ITGA2: variants seen among roughly 807,000 people sequenced by gnomAD.
ITGA2 encodes integrin alpha-2.
A neutral mutation model predicts 146.3 loss-of-function variants in ITGA2; 101 were observed. The ratio of observed to expected loss-of-function variants is 0.69; its 90% CI spans 0.59 to 0.81. The LOEUF is 0.81. Among genes scored for constraint, ITGA2 ranks in the 40% least tolerant of loss-of-function variants. The pLI is 0.00. For synonymous variants in ITGA2, 477 were observed against 487.1 expected, an observed-to-expected ratio of 0.98 and a Z score of 0.27; for missense variants, 1,281 against 1,402.7, an observed-to-expected ratio of 0.91 and a Z score of 1.39.
At chr5:53,004,395 A>G (rs1741727031) in intron 1 of ITGA2, among the ~76,000 whole-genome samples, 2 of 152,190 alleles carry the variant, frequency 1.3e-5, no homozygotes, top group South Asian at 4.1e-4. Context: ...AGTATTTTTC[A>G]TATTGTAAAA....
intron 1 of ITGA2, among the ~76,000 whole-genome samples, chr5:53,007,070 G>A (rs1561085254): frequency 6.6e-6 from 1 of 152,148 alleles, no homozygotes; most frequent in Non-Finnish European, 1.5e-5. Flanking sequence ...AAAATTCAAT[G>A]TAGCATGCTA....
chr5:52,990,007 G>C (rs28051), intron 1 of ITGA2: 22,394 of 184,888 alleles, frequency 0.12, 1,482 homozygotes, highest in South Asian at 0.18. Flanking sequence ...CCAGCGCGGT[G>C]CTTGCTGGCT....
At chr5:53,020,538 A>G (rs1030739186) in intron 1 of ITGA2, among the ~76,000 whole-genome samples, 1 of 152,142 alleles carries the variant, frequency 6.6e-6, no homozygotes, top group African/African-American at 2.4e-5. Flanking sequence ...ATATTTGTGC[A>G]TGTGACAATA....
At chr5:53,083,030 T>C (rs2112030562) in intron 26 of ITGA2, among the ~76,000 whole-genome samples, 1 of 152,184 alleles carries the variant, frequency 6.6e-6, no homozygotes, top group Non-Finnish European at 1.5e-5. Context: ...GTTTTTTTAC[T>C]CTTAGAAATA....
chr5:53,042,320 A>C (rs1743841466), intron 3 of ITGA2, 99 bp downstream of exon 3: 1 of 867,036 alleles, frequency 1.2e-6, no homozygotes, highest in Non-Finnish European at 2.0e-6. Context: ...AAATACAGAC[A>C]GCTTTTTTTT....
intron 1 of ITGA2, among the ~76,000 whole-genome samples, chr5:53,004,559 G>A (rs1480578634): frequency 1.2e-4 from 18 of 152,094 alleles, no homozygotes; most frequent in Admixed American, 1.2e-3. Flanking sequence ...GGAGGATTGA[G>A]GCAGCCAGCC....
At chr5:53,027,686 TCCAACCA>T in intron 2 of ITGA2, among the ~76,000 whole-genome samples, 1 of 152,200 alleles carries the variant, frequency 6.6e-6, no homozygotes, top group Non-Finnish European at 1.5e-5. Context: ...AGCAGGAGGC[TCCAACCA>T]TCCCCACTCA....
chr5:53,038,745 A>G lies in ITGA2; in HGVS notation c.186-3367A>G, dbSNP rs76800107. On this transcript the variant is annotated intron_variant, in intron 2 of 29. Transcript: ENST00000296585. ...GGGAACATGAGCAAGTCACTCATCAATCTGTGTCTCAGTGATTCCATCTGT... is the reference window on the plus strand; with the variant it reads ...GGGAACATGAGCAAGTCACTCATCAGTCTGTGTCTCAGTGATTCCATCTGT... Among the ~76,000 whole-genome samples, 1,405 of 152,220 alleles carry G rather than the reference A, an allele frequency of 9.2e-3. 25 individuals carry two copies. Among genetic ancestry groups the G allele is most frequent in the African/African-American group, 0.032 (1,340 of 41,520 alleles).
intron 6 of ITGA2, among the ~76,000 whole-genome samples, chr5:53,050,109 A>T (rs1008938366): frequency 6.6e-6 from 1 of 152,168 alleles, no homozygotes; most frequent in Non-Finnish European, 1.5e-5. Flanking sequence ...AAGTTTTCAT[A>T]TGTATCTCCT....
intron 14 of ITGA2, 119 bp from the exon 15 acceptor site, chr5:53,065,722 G>A (rs1745115702): frequency 7.7e-7 from 1 of 1,301,380 alleles, no homozygotes; most frequent in Admixed American, 1.9e-5. Flanking sequence ...AGAATTTGTA[G>A]AGAATAAACA....
chr5:53,048,631 T>C lies in ITGA2; in HGVS notation c.503-12T>C. 6.2e-7 allele frequency: 1 copy of C among 1,614,156 alleles called. No individual in the cohort carries two copies. Among genetic ancestry groups the C allele is most frequent in the Non-Finnish European group, 8.5e-7 (1 of 1,179,974 alleles). ...CTGTGGAAATCTGCTTCTTTCCTCT[T>C]TTCCTGTGTAGCCTGCCCTTCCCTC... On this transcript the variant is annotated splice_polypyrimidine_tract_variant and intron_variant, in intron 5 of 29. Transcript: ENST00000296585.
In ITGA2 at chr5:52,990,619, C is replaced by T. The variant is rs538713658; in HGVS notation, c.64+1087C>T. The stretch of plus-strand genomic sequence containing the variant: ...AGATAAATATTTCCTAAGCTGTCCT[C>T]CTTTGAGACTGACATTCAGCCACTT... On this transcript the variant is annotated intron_variant, in intron 1 of 29. Coordinates refer to ENST00000296585, the MANE Select transcript of ITGA2 (RefSeq NM_002203.4). Among the ~76,000 whole-genome samples, 19 of 149,604 alleles carry T rather than the reference C, an allele frequency of 1.3e-4. 1 individual carries two copies. In the South Asian group the frequency reaches 4.0e-3, roughly 32 times the overall value.
intron 1 of ITGA2, among the ~76,000 whole-genome samples, chr5:53,005,017 G>A (rs916403659): frequency 2.1e-5 from 3 of 141,900 alleles, no homozygotes; most frequent in African/African-American, 7.8e-5. Context: ...ATTTCCTGTG[G>A]TGATGTATGT....
intron 1 of ITGA2, among the ~76,000 whole-genome samples, chr5:52,989,835 CAG>C (rs1491109764): frequency 0.037 from 3,916 of 104,708 alleles, 139 homozygotes; most frequent in East Asian, 0.19. Context: ...CACACACACA[CAG>C]ACAGACACGC....
chr5:53,020,688 T>TA (rs1742632463), intron 1 of ITGA2, among the ~76,000 whole-genome samples: 3 of 149,578 alleles, frequency 2.0e-5, no homozygotes, highest in Non-Finnish European at 3.0e-5. Flanking sequence ...TTATTATTAT[T>TA]TTTTTTTTGG....
intron 1 of ITGA2, among the ~76,000 whole-genome samples, chr5:53,000,891 C>CTTTTTTTTTTTTTTTTT (rs1407616111): frequency 1.1e-4 from 12 of 105,120 alleles, no homozygotes; most frequent in Non-Finnish European, 1.6e-4. Flanking sequence ...TTTTCTTTTT[C>CTTTTTTTTTTTTTTTTT]TTTTTGTTTT....
chr5:53,012,048 A>T (rs765887424), intron 1 of ITGA2, among the ~76,000 whole-genome samples: 4 of 152,198 alleles, frequency 2.6e-5, no homozygotes, highest in African/African-American at 9.6e-5. Context: ...AGGGTTATTT[A>T]TATGTAAAAT....
intron 1 of ITGA2, among the ~76,000 whole-genome samples, chr5:53,001,508 T>C (rs750581484): frequency 9.9e-5 from 15 of 152,172 alleles, no homozygotes; most frequent in Non-Finnish European, 1.3e-4. Context: ...TGGATTTCAC[T>C]TTTCAGATCC....
At position 53,053,050 on chromosome 5, in the gene ITGA2, G is replaced by A. The variant is rs577875278; in HGVS notation, c.779+1491G>A. Among the ~76,000 whole-genome samples the A allele has an allele frequency of 7.9e-5, 12 of 152,172 alleles. 1 individual carries two copies. In the South Asian group the frequency reaches 2.5e-3, roughly 32 times the overall value. On this transcript the variant is annotated intron_variant, in intron 7 of 29. Transcript: ENST00000296585. The stretch of plus-strand genomic sequence containing the variant: ...TTTCCCTACCACTCCTCATGAACTT[G>A]CCATTTTGATTCATGCCACTGTCTC...
Sources: allele counts gnomAD v4.1 joint callset (sites outside exome capture counted in the v4.1 genomes callset), GRCh38; gene constraint gnomAD v4.1.1; transcripts MANE v1.5; gene names NCBI Gene and HGNC (gene_info 2026-07-23, HGNC 2026-07-21).